PTPRT: variants seen among roughly 807,000 people sequenced by gnomAD.
PTPRT encodes receptor-type tyrosine-protein phosphatase T.
A neutral mutation model predicts 176.8 loss-of-function variants in PTPRT; 56 were observed. That is an observed-to-expected ratio of 0.32 (90% CI 0.26 to 0.40). PTPRT has a LOEUF of 0.40. PTPRT is among the 10% of genes least tolerant of loss of function. The pLI, the probability that PTPRT is intolerant of heterozygous loss-of-function variation, is 1.00. For synonymous variants in PTPRT, 783 were observed against 739.0 expected, an observed-to-expected ratio of 1.06 and a Z score of -0.96; for missense variants, 1,540 against 1,908.2, an observed-to-expected ratio of 0.81 and a Z score of 3.60.
intron 9 of PTPRT, among the ~76,000 whole-genome samples, chr20:42,397,923 T>G (rs2058867429): frequency 6.6e-6 from 1 of 152,214 alleles, no homozygotes; most frequent in African/African-American, 2.4e-5. Flanking sequence ...GACACTTACT[T>G]TGTACCAGTC....
At chr20:42,342,831 A>G (rs887245217) in intron 11 of PTPRT, among the ~76,000 whole-genome samples, 3 of 152,202 alleles carry the variant, frequency 2.0e-5, no homozygotes, top group African/African-American at 7.2e-5. Flanking sequence ...TTTCTTCCCA[A>G]TAAAGTTTCT....
intron 2 of PTPRT, among the ~76,000 whole-genome samples, chr20:42,815,723 C>A (rs78295010): frequency 0.016 from 2,443 of 152,244 alleles, 73 homozygotes; most frequent in African/African-American, 0.056. Context: ...CTCACAAAAA[C>A]AATCAGGGCA....
intron 13 of PTPRT, among the ~76,000 whole-genome samples, chr20:42,259,796 C>T (rs1265708240): frequency 1.3e-5 from 2 of 152,186 alleles, no homozygotes; most frequent in Non-Finnish European, 2.9e-5. Flanking sequence ...TGGGGTCAAA[C>T]TTGCCCACAA....
At chr20:42,276,517 A>AATGTTC (rs2057034978) in intron 13 of PTPRT, among the ~76,000 whole-genome samples, 1 of 26,584 alleles carries the variant, frequency 3.8e-5, no homozygotes, top group Non-Finnish European at 7.7e-5. Flanking sequence ...ATATATATAT[A>AATGTTC]TATATATATA....
At chr20:42,883,545 C>T (rs921960491) in intron 2 of PTPRT, among the ~76,000 whole-genome samples, 1 of 151,754 alleles carries the variant, frequency 6.6e-6, no homozygotes, top group Non-Finnish European at 1.5e-5. Context: ...AGATGTTGAG[C>T]TTGGAGAGCC....
chr20:42,862,240 C>T (rs1302987548), intron 2 of PTPRT, among the ~76,000 whole-genome samples: 2 of 152,180 alleles, frequency 1.3e-5, no homozygotes, highest in Non-Finnish European at 2.9e-5. Flanking sequence ...TGGTGCACAT[C>T]AGGCCTGGCT....
chr20:42,607,764 G>A (rs563573769), intron 7 of PTPRT, among the ~76,000 whole-genome samples: 13 of 152,260 alleles, frequency 8.5e-5, no homozygotes, highest in South Asian at 6.2e-4. Context: ...AGTGCACAGC[G>A]GGGGAGCCTG....
At chr20:42,980,682 CAAGA>C (rs1600618175) in intron 1 of PTPRT, among the ~76,000 whole-genome samples, 2 of 152,148 alleles carry the variant, frequency 1.3e-5, no homozygotes, top group East Asian at 3.9e-4. Context: ...CAGCTCTGAC[CAAGA>C]AAGCCTTGAC....
At chr20:43,048,604 G>A (rs552962361) in intron 1 of PTPRT, among the ~76,000 whole-genome samples, 1 of 152,134 alleles carries the variant, frequency 6.6e-6, no homozygotes, top group East Asian at 1.9e-4. Flanking sequence ...ATTTGAGAGA[G>A]GCTAAGGGGA....
intron 15 of PTPRT, among the ~76,000 whole-genome samples, chr20:42,223,489 CA>C (rs1187803208): frequency 6.6e-6 from 1 of 152,188 alleles, no homozygotes; most frequent in African/African-American, 2.4e-5. Context: ...AGAGCTAAGG[CA>C]AAAGCACTGT....
intron 1 of PTPRT, among the ~76,000 whole-genome samples, chr20:43,031,594 A>T (rs756611756): frequency 3.1e-4 from 47 of 152,348 alleles, no homozygotes; most frequent in Admixed American, 7.2e-4. Flanking sequence ...AGACAAGAAC[A>T]TGGAGGTTCA....
rs187098621 is a variant in PTPRT at position 42,339,883 on chromosome 20, C to T, written c.1865+10745G>A. On this transcript the variant is annotated intron_variant, in intron 11 of 30. Transcript: ENST00000373187. Reference sequence around the variant, plus strand: ...TAAGTAAGCCCAGCCATAGGTCCCACGCTGTTTTCAGGACCTATACCTCTG... The same window carrying T: ...TAAGTAAGCCCAGCCATAGGTCCCATGCTGTTTTCAGGACCTATACCTCTG... Among the ~76,000 whole-genome samples the T allele has an allele frequency of 8.5e-5, 13 of 152,162 alleles. 1 individual carries two copies. Among genetic ancestry groups the T allele is most frequent in the Admixed American group, 7.2e-4 (11 of 15,260 alleles).
At chr20:42,054,491 G>T in the PTPRT span, among the ~76,000 whole-genome samples, 2 of 152,154 alleles carry the variant, frequency 1.3e-5, no homozygotes, top group African/African-American at 4.8e-5. Flanking sequence ...GAGATGGAGG[G>T]GCCCCCAGGG....
chr20:42,048,914 C>A, the PTPRT span, among the ~76,000 whole-genome samples: 1 of 152,252 alleles, frequency 6.6e-6, no homozygotes. Context: ...CTCTGCCTCC[C>A]GGGTTCAAGC....
At chr20:42,506,061 AC>A (rs2071838649) in intron 7 of PTPRT, among the ~76,000 whole-genome samples, 2 of 152,186 alleles carry the variant, frequency 1.3e-5, no homozygotes, top group African/African-American at 4.8e-5. Context: ...AGGGTTACAT[AC>A]ATCCCAAACC....
chr20:43,130,528 A>C (rs552238179), intron 1 of PTPRT, among the ~76,000 whole-genome samples: 93 of 152,314 alleles, frequency 6.1e-4, no homozygotes, highest in Non-Finnish European at 1.0e-3. Flanking sequence ...GTTTCTCAAT[A>C]AACATGACTT....
At chr20:42,040,343 C>CT in the PTPRT span, among the ~76,000 whole-genome samples, 8 of 152,088 alleles carry the variant, frequency 5.3e-5, no homozygotes, top group African/African-American at 1.9e-4. Flanking sequence ...TTGCTAGAGT[C>CT]TTTTTCAGTC....
At chr20:42,260,214 C>G (rs747704810) in intron 13 of PTPRT, among the ~76,000 whole-genome samples, 4 of 152,218 alleles carry the variant, frequency 2.6e-5, no homozygotes, top group Non-Finnish European at 5.9e-5. Flanking sequence ...TGGGACACAT[C>G]AGGGCATTCC....
At chr20:42,751,045 A>G (rs1474499198) in intron 6 of PTPRT, among the ~76,000 whole-genome samples, 4 of 152,112 alleles carry the variant, frequency 2.6e-5, no homozygotes, top group Admixed American at 2.0e-4. Flanking sequence ...ACCTACCCTC[A>G]CATTAGGCAG....
Sources: allele counts gnomAD v4.1 joint callset (sites outside exome capture counted in the v4.1 genomes callset), GRCh38; gene constraint gnomAD v4.1.1; transcripts MANE v1.5; gene names NCBI Gene and HGNC (gene_info 2026-07-23, HGNC 2026-07-21).